PRKCE: variants seen among roughly 807,000 people sequenced by gnomAD.
The protein encoded by PRKCE is protein kinase C epsilon, also known as protein kinase C epsilon type.
PRKCE carries 16 observed loss-of-function variants against 85.4 expected under a neutral mutation model. That is an observed-to-expected ratio of 0.19 (90% CI 0.13 to 0.28). The LOEUF is 0.28. PRKCE is among the 10% of genes least tolerant of loss of function. The pLI is 1.00. For missense variants in PRKCE, 573 were observed against 975.2 expected (o/e 0.59, Z 5.49); for synonymous variants, 388 against 371.5 (o/e 1.04, Z -0.51).
intron 14 of PRKCE, among the ~76,000 whole-genome samples, chr2:46,170,210 C>A (rs881048): frequency 0.035 from 5,394 of 152,308 alleles, 162 homozygotes; most frequent in Non-Finnish European, 0.055. Context: ...CTGCCCATAG[C>A]CCCAGGCAAC....
chr2:45,862,130 G>C (rs562486486), intron 2 of PRKCE, among the ~76,000 whole-genome samples: 78 of 151,498 alleles, frequency 5.1e-4, no homozygotes, highest in African/African-American at 1.9e-3. Context: ...AACTGCCCTG[G>C]AGAATGGTCT....
chr2:45,723,687 C>T (rs1373157234), intron 1 of PRKCE, among the ~76,000 whole-genome samples: 2 of 152,190 alleles, frequency 1.3e-5, no homozygotes, highest in Non-Finnish European at 2.9e-5. Context: ...TCACTGCAAC[C>T]TCCGCCTTCC....
chr2:45,898,030 G>A (rs928571470), intron 2 of PRKCE, among the ~76,000 whole-genome samples: 30 of 152,140 alleles, frequency 2.0e-4, no homozygotes, highest in African/African-American at 6.0e-4. Flanking sequence ...CAATAAGGAC[G>A]CAGTTGGGCA....
intron 10 of PRKCE, among the ~76,000 whole-genome samples, chr2:46,024,599 A>G (rs1186605356): frequency 1.3e-5 from 2 of 152,112 alleles, no homozygotes; most frequent in Non-Finnish European, 2.9e-5. Flanking sequence ...TGGCTCTTAG[A>G]GCTGAGCCTG....
At chr2:45,704,619 C>G (rs1240149806) in intron 1 of PRKCE, among the ~76,000 whole-genome samples, 1 of 152,188 alleles carries the variant, frequency 6.6e-6, no homozygotes, top group Non-Finnish European at 1.5e-5. Flanking sequence ...TCCTCTACCT[C>G]ATCTGAAAAG....
chr2:45,821,093 A>G (rs1689494026), intron 1 of PRKCE, among the ~76,000 whole-genome samples: 1 of 152,136 alleles, frequency 6.6e-6, no homozygotes, highest in African/African-American at 2.4e-5. Context: ...AGGACTTCCA[A>G]GGCTAGTCTG....
At chr2:45,803,062 G>A (rs199564402) in intron 1 of PRKCE, among the ~76,000 whole-genome samples, 1 of 152,164 alleles carries the variant, frequency 6.6e-6, no homozygotes, top group African/African-American at 2.4e-5. Context: ...GGTATGGCTT[G>A]AAAGGTGGCA....
chr2:45,786,923 T>G lies in PRKCE; in HGVS notation c.349-56077T>G, dbSNP rs939414068. Among the ~76,000 whole-genome samples the G allele has an allele frequency of 6.6e-6, 1 of 152,254 alleles. No homozygotes were observed. Among genetic ancestry groups the G allele is most frequent in the East Asian group, 1.9e-4 (1 of 5,192 alleles). On this transcript the variant is annotated intron_variant, in intron 1 of 14. Coordinates refer to ENST00000306156, the MANE Select transcript of PRKCE (RefSeq NM_005400.3). This position sits in a 1 kb window ranked among gnomAD's most constrained non-coding sequence, Gnocchi z 5.3. Reference sequence around the variant, plus strand: ...GAATACGATTCCAGAACCTCACTGTTAACCAGGAAGCTGGTGTTTCTCAAA... The same window carrying G: ...GAATACGATTCCAGAACCTCACTGTGAACCAGGAAGCTGGTGTTTCTCAAA...
At chr2:45,981,115 G>A (rs57482675) in intron 5 of PRKCE, among the ~76,000 whole-genome samples, 6,102 of 152,236 alleles carry the variant, frequency 0.04, 177 homozygotes, top group South Asian at 0.12. Flanking sequence ...GTAGAGGTAA[G>A]GAAGCAGGAA....
Position 46,138,701 on chromosome 2 carries a change from G to A in PRKCE, c.1593-6392G>A, listed in dbSNP as rs954301913. On this transcript the variant is annotated intron_variant, in intron 11 of 14. Transcript: ENST00000306156. This position sits in a 1 kb window ranked among gnomAD's most constrained non-coding sequence, Gnocchi z 4.2. ...ACACTTAGCAATGTCTGGAGACACA[G>A]TTGGTTGTCACAGCTGGAGAGGGGG... 2.6e-5 allele frequency among the ~76,000 whole-genome samples: 4 copies of A among 152,220 alleles called. No homozygotes were observed. The highest frequency in any genetic ancestry group is 5.9e-5 in the Non-Finnish European group (4 of 68,042).
intron 1 of PRKCE, among the ~76,000 whole-genome samples, chr2:45,834,261 A>G (rs1573540796): frequency 6.6e-6 from 1 of 152,322 alleles, no homozygotes; most frequent in Non-Finnish European, 1.5e-5. Context: ...ATGAGAATGC[A>G]GTGTTTCAGC....
chr2:45,875,226 G>A (rs1694385564), intron 2 of PRKCE, among the ~76,000 whole-genome samples: 1 of 152,164 alleles, frequency 6.6e-6, no homozygotes, highest in Admixed American at 6.5e-5. Flanking sequence ...ATACTTTCTT[G>A]TAAATTAGTA....
intron 8 of PRKCE, 52 bp from the exon 9 acceptor site, chr2:46,007,410 A>G (rs1558950865): frequency 1.9e-6 from 3 of 1,571,488 alleles, no homozygotes; most frequent in Non-Finnish European, 2.6e-6. Context: ...TCCTAATGTA[A>G]CAGGCTTAAG....
At chr2:46,038,439 C>T (rs74820594) in intron 10 of PRKCE, among the ~76,000 whole-genome samples, 1 of 152,126 alleles carries the variant, frequency 6.6e-6, no homozygotes, top group African/African-American at 2.4e-5. Context: ...GTTTACTTAC[C>T]CATGGGCAGG....
At position 46,056,377 on chromosome 2, in the gene PRKCE, G is replaced by A. The variant is rs77825812; in HGVS notation, c.1438-29831G>A. ...GAACCAACCTCAGTACCTCTGGCCC[G>A]TTTGCCCCTGCTGTGAGCTAAGCAT... On this transcript the variant is annotated intron_variant, in intron 10 of 14. Transcript: ENST00000306156. Among the ~76,000 whole-genome samples, 9 of 152,032 alleles carry A rather than the reference G, an allele frequency of 5.9e-5. No homozygotes were observed. The East Asian group carries it at 7.7e-4, about 13-fold the overall frequency.
chr2:46,113,115 C>T (rs573790891), intron 11 of PRKCE, among the ~76,000 whole-genome samples: 9 of 152,124 alleles, frequency 5.9e-5, no homozygotes, highest in Admixed American at 2.0e-4. Flanking sequence ...ATTAGTGCTG[C>T]CCAAATACTT....
chr2:45,902,821 T>C (rs1297812419), intron 2 of PRKCE, among the ~76,000 whole-genome samples: 1 of 152,192 alleles, frequency 6.6e-6, no homozygotes, highest in East Asian at 1.9e-4. Context: ...TTAATAGCTA[T>C]TAGAAGGGAA....
At chr2:46,112,972 C>A (rs1166568646) in intron 11 of PRKCE, among the ~76,000 whole-genome samples, 1 of 152,162 alleles carries the variant, frequency 6.6e-6, no homozygotes, top group Non-Finnish European at 1.5e-5. Context: ...GTTCTAGAAT[C>A]TATAACATAT....
chr2:46,021,938 A>G (rs1333000872), intron 10 of PRKCE, among the ~76,000 whole-genome samples: 3 of 151,916 alleles, frequency 2.0e-5, no homozygotes, highest in Admixed American at 6.5e-5. Context: ...GAGCTTCTAC[A>G]TAGTCTATTG....
Sources: allele counts gnomAD v4.1 joint callset (sites outside exome capture counted in the v4.1 genomes callset), GRCh38; gene constraint gnomAD v4.1.1; non-coding constraint Gnocchi (gnomAD v3.1); transcripts MANE v1.5; gene names NCBI Gene and HGNC (gene_info 2026-07-23, HGNC 2026-07-21).